The following ATG5 variants were observed in gnomAD, a reference collection of about 807,000 sequenced individuals.
The protein encoded by ATG5 is autophagy protein 5.
Under a neutral mutation model 36.5 loss-of-function variants are expected in ATG5, and 14 were observed. That is an observed-to-expected ratio of 0.38 (90% CI 0.25 to 0.60). The LOEUF is 0.60. ATG5 is among the 20% of genes least tolerant of loss of function. The pLI is 0.60. For synonymous variants in ATG5, 95 were observed against 101.5 expected, an observed-to-expected ratio of 0.94 and a Z score of 0.38; for missense variants, 195 against 326.7, an observed-to-expected ratio of 0.60 and a Z score of 3.11.
At chr6:106,197,281 T>C (rs945939036) in intron 7 of ATG5, among the ~76,000 whole-genome samples, 1 of 152,148 alleles carries the variant, frequency 6.6e-6, no homozygotes, top group African/African-American at 2.4e-5. Context: ...CAGTACTTTG[T>C]GAAGCTAAAG....
intron 7 of ATG5, among the ~76,000 whole-genome samples, chr6:106,193,217 C>G (rs576784805): frequency 6.6e-6 from 1 of 152,152 alleles, no homozygotes; most frequent in Non-Finnish European, 1.5e-5. Context: ...AAAATACAAA[C>G]CCATTTAAAA....
At chr6:106,319,690 C>A (rs930896284) in intron 1 of ATG5, among the ~76,000 whole-genome samples, 9 of 152,262 alleles carry the variant, frequency 5.9e-5, no homozygotes, top group African/African-American at 2.2e-4. Context: ...TTCCTCTACC[C>A]TTGTAAGTTT....
intron 6 of ATG5, among the ~76,000 whole-genome samples, chr6:106,237,513 A>G (rs1445122754): frequency 6.6e-6 from 1 of 152,198 alleles, no homozygotes; most frequent in Non-Finnish European, 1.5e-5. Flanking sequence ...TTGACCTCCA[A>G]CTTAAAAAAT....
chr6:106,214,782 C>T (rs192830110), intron 6 of ATG5, among the ~76,000 whole-genome samples: 11 of 152,154 alleles, frequency 7.2e-5, no homozygotes, highest in African/African-American at 2.4e-4. Context: ...TTCTTGGGAT[C>T]GAGATCAATT....
At chr6:106,242,747 TG>T (rs1778178374) in intron 6 of ATG5, among the ~76,000 whole-genome samples, 2 of 152,208 alleles carry the variant, frequency 1.3e-5, no homozygotes, top group South Asian at 4.1e-4. Context: ...CTTTTTGAAA[TG>T]ACTGAAAAAC....
At chr6:106,187,161 T>C (rs1358872593) in intron 7 of ATG5, among the ~76,000 whole-genome samples, 3 of 152,216 alleles carry the variant, frequency 2.0e-5, no homozygotes, top group South Asian at 2.1e-4. Flanking sequence ...AGGTGAGCTT[T>C]AGTTGTTTTC....
intron 6 of ATG5, among the ~76,000 whole-genome samples, chr6:106,231,795 T>A (rs1218460635): frequency 6.6e-6 from 1 of 152,196 alleles, no homozygotes; most frequent in Non-Finnish European, 1.5e-5. Context: ...CTCAGTTTTT[T>A]ATAATAGAGA....
At chr6:106,230,968 C>T (rs1211137554) in intron 6 of ATG5, among the ~76,000 whole-genome samples, 1 of 152,030 alleles carries the variant, frequency 6.6e-6, no homozygotes, top group Non-Finnish European at 1.5e-5. Flanking sequence ...CTACAGGAAG[C>T]CCTCAGAGTC....
intron 7 of ATG5, among the ~76,000 whole-genome samples, chr6:106,201,118 GA>G (rs562089108): frequency 7.3e-5 from 11 of 151,674 alleles, no homozygotes; most frequent in Non-Finnish European, 1.3e-4. Flanking sequence ...ATAATAACAA[GA>G]AAAAAAAGTC....
rs768319835 is a variant in ATG5 at position 106,202,089 on chromosome 6, T to C, written c.574A>G (p.Thr192Ala). 3.7e-6 allele frequency: 6 copies of C among 1,612,204 alleles called. No individual in the cohort carries two copies. Among genetic ancestry groups the C allele is most frequent in the South Asian group, 2.2e-5 (2 of 90,640 alleles). The change falls in exon 7 of 8, where the codon ACA (threonine) becomes GCA (alanine). Residue 192 changes from threonine (T) to alanine (A), a missense_variant and splice_region_variant. Thr to Ala is a moderately conservative substitution (Grantham distance 58). Transcript: ENST00000369076. ...FRYIPFRIYQ[T>A]TTERPFIQKL... is the part of the protein sequence containing the mutation. The stretch of plus-strand genomic sequence containing the variant: ...TGAATGAAAGGTCTTTCAGTCGTTG[T>C]CTATTTGAAAAAGGAAAAAATGATT...
intron 6 of ATG5, among the ~76,000 whole-genome samples, chr6:106,237,119 C>A (rs1301256488): frequency 6.6e-6 from 1 of 151,918 alleles, no homozygotes; most frequent in Middle Eastern, 3.2e-3. Context: ...GTAAATCAGG[C>A]AAATTTAATT....
intron 1 of ATG5, among the ~76,000 whole-genome samples, chr6:106,317,676 C>G (rs1271126664): frequency 6.6e-6 from 1 of 152,160 alleles, no homozygotes. Flanking sequence ...GATATACATG[C>G]ATGTAAACTT....
At chr6:106,315,432 C>A (rs1278178644) in intron 2 of ATG5, among the ~76,000 whole-genome samples, 1 of 152,134 alleles carries the variant, frequency 6.6e-6, no homozygotes, top group East Asian at 1.9e-4. Context: ...TGGGATTATA[C>A]ATGCACTTAG....
rs958863649 is a variant in ATG5, at chr6:106,185,351, T to C, written c.*1189A>G. ...TACTCAAATGGGTCAACATTCAATA[T>C]GGACAGCCAGCTAGCTCACAAGAAA... On this transcript the variant is annotated 3_prime_UTR_variant, in exon 8 of 8. Transcript: ENST00000369076. The C allele has an allele frequency of 6.5e-6, 1 of 152,756 alleles. No homozygotes were observed. Among genetic ancestry groups the C allele is most frequent in the Non-Finnish European group, 1.5e-5 (1 of 68,032 alleles). The allele number at this position is 152,756 out of a possible 1,614,324, so 9.5% of individuals were successfully genotyped here. A position where few individuals can be genotyped will look rare whatever the true frequency, so the allele number is the denominator to read the frequency against.
At chr6:106,282,862 T>G (rs149514058) in intron 4 of ATG5, among the ~76,000 whole-genome samples, 1 of 149,430 alleles carries the variant, frequency 6.7e-6, no homozygotes, top group Non-Finnish European at 1.5e-5. Context: ...TCACACCTTA[T>G]TGCAGCCTCA....
At chr6:106,252,939 G>A (rs982190925) in intron 5 of ATG5, among the ~76,000 whole-genome samples, 1 of 152,208 alleles carries the variant, frequency 6.6e-6, no homozygotes, top group Non-Finnish European at 1.5e-5. Context: ...AATCACTACA[G>A]AAGGGAACCC....
chr6:106,293,296 T>C (rs1780392876), intron 3 of ATG5, among the ~76,000 whole-genome samples, 190 bp from the exon 4 acceptor site: 1 of 152,198 alleles, frequency 6.6e-6, no homozygotes, highest in African/African-American at 2.4e-5. Context: ...GGTGGTTTCC[T>C]TCTAACCACT....
At chr6:106,192,621 G>T (rs1367718708) in intron 7 of ATG5, among the ~76,000 whole-genome samples, 1 of 152,082 alleles carries the variant, frequency 6.6e-6, no homozygotes, top group Non-Finnish European at 1.5e-5. Context: ...TTTAAATATG[G>T]AGTAGAAGTC....
intron 1 of ATG5, among the ~76,000 whole-genome samples, chr6:106,317,313 C>A (rs1770887359): frequency 6.6e-6 from 1 of 152,176 alleles, no homozygotes; most frequent in Non-Finnish European, 1.5e-5. Context: ...TAATCTATCA[C>A]AATGTAGCCT....
Sources: gnomAD v4.1 joint callset for allele counts (sites outside exome capture counted in the v4.1 genomes callset) on GRCh38, gnomAD v4.1.1 for gene constraint, MANE v1.5 for transcripts, NCBI Gene and HGNC (gene_info 2026-07-23, HGNC 2026-07-21) for gene names.